AP2B1: variants seen among roughly 807,000 people sequenced by gnomAD.
AP2B1 encodes the protein AP-2 complex subunit beta.
AP2B1 carries 23 observed loss-of-function variants against 102.0 expected under a neutral mutation model. The ratio of observed to expected loss-of-function variants is 0.23; its 90% CI spans 0.16 to 0.32. AP2B1 has a LOEUF of 0.32. Ranked by LOEUF, AP2B1 falls within the 10% of genes least tolerant of loss-of-function variation. The pLI is 1.00. For synonymous variants in AP2B1, 381 were observed against 421.2 expected (o/e 0.90, Z 1.17); for missense variants, 541 against 1,157.4 (o/e 0.47, Z 7.73).
chr17:35,698,440 G>GC (rs1258600915), intron 18 of AP2B1, among the ~76,000 whole-genome samples: 3 of 152,128 alleles, frequency 2.0e-5, no homozygotes, highest in Non-Finnish European at 4.4e-5. Context: ...CTGACCAGTA[G>GC]TTGGGACTGT....
chr17:35,639,515 G>T, intron 10 of AP2B1, 80 bp from the exon 11 acceptor site: 2 of 1,329,964 alleles, frequency 1.5e-6, no homozygotes, highest in Admixed American at 2.3e-5. Flanking sequence ...TCCCTTGTTT[G>T]TGGTTTTGCC....
chr17:35,634,291 T>A (rs2142661673), intron 9 of AP2B1, among the ~76,000 whole-genome samples: 1 of 152,308 alleles, frequency 6.6e-6, no homozygotes, highest in East Asian at 1.9e-4. Flanking sequence ...GTGATGCAGT[T>A]TTATCTATTC....
chr17:35,695,765 T>G (rs1275693787), intron 18 of AP2B1, among the ~76,000 whole-genome samples: 1 of 152,326 alleles, frequency 6.6e-6, no homozygotes, highest in East Asian at 1.9e-4. Context: ...GCCTGAGAGA[T>G]AAGCCGAAAG....
intron 15 of AP2B1, 93 bp downstream of exon 15, chr17:35,670,991 G>A (rs1178471838): frequency 8.4e-6 from 11 of 1,309,064 alleles, no homozygotes; most frequent in Non-Finnish European, 1.1e-5. Context: ...CACTGCTGCT[G>A]TCTAGCACTG....
chr17:35,605,720 C>G lies in AP2B1; in HGVS notation c.159C>G (p.Asp53Glu). 6.2e-7 allele frequency: 1 copy of G among 1,610,644 alleles called. No homozygotes were observed. The highest frequency in any genetic ancestry group is 8.5e-7 in the Non-Finnish European group (1 of 1,178,394). ...VGKDVSSLFPDVVNCMQTDNL... is the reference protein window; with the variant it reads ...VGKDVSSLFPEVVNCMQTDNL... The stretch of plus-strand genomic sequence containing the variant: ...CTCTTCTCAGTTCTCTCTTTCCAGA[C>G]GTAGTGAACTGTATGCAGACTGACA... The change falls in exon 4 of 22, where the codon GAC becomes GAG. Residue 53 changes from aspartate (D) to glutamate (E), a missense_variant. Asp to Glu is a conservative substitution (Grantham distance 45, BLOSUM62 2). Around this residue, in one of 10 missense-constraint regions of AP2B1, gnomAD observed 18 missense variants for 23.8 expected, o/e 0.76. Coordinates refer to ENST00000610402, the MANE Select transcript of AP2B1 (RefSeq NM_001030006.2).
chr17:35,650,973 C>G, intron 13 of AP2B1, 184 bp downstream of exon 13: 1 of 610,020 alleles, frequency 1.6e-6, no homozygotes, highest in South Asian at 2.2e-5. Flanking sequence ...CCAGGGAGCT[C>G]CATCTGAATA....
intron 4 of AP2B1, among the ~76,000 whole-genome samples, chr17:35,606,252 T>C (rs980675834): frequency 6.6e-6 from 1 of 152,116 alleles, no homozygotes; most frequent in South Asian, 2.1e-4. Context: ...ATTTTTTTTT[T>C]TTTTTGATAC....
At chr17:35,592,687 C>G (rs1249999158) in intron 1 of AP2B1, among the ~76,000 whole-genome samples, 1 of 152,088 alleles carries the variant, frequency 6.6e-6, no homozygotes, top group Non-Finnish European at 1.5e-5. Flanking sequence ...GGATTAAAGG[C>G]ACGTGCCACC....
chr17:35,640,362 G>A (rs2074743929), intron 11 of AP2B1, among the ~76,000 whole-genome samples: 1 of 150,304 alleles, frequency 6.7e-6, no homozygotes, highest in Admixed American at 6.7e-5. Context: ...TCAGCCTCTC[G>A]AGTAGCTGGG....
intron 18 of AP2B1, among the ~76,000 whole-genome samples, chr17:35,707,406 C>T (rs1164564167): frequency 6.6e-6 from 1 of 151,032 alleles, no homozygotes; most frequent in Non-Finnish European, 1.5e-5. Flanking sequence ...CTGCCTTGGC[C>T]TCCCAAAGTG....
chr17:35,605,490 T>A (rs988375502), intron 3 of AP2B1, among the ~76,000 whole-genome samples: 6 of 152,232 alleles, frequency 3.9e-5, no homozygotes, highest in African/African-American at 1.4e-4. Context: ...CCTCAGGTGA[T>A]CCGCCTGCCT....
intron 6 of AP2B1, among the ~76,000 whole-genome samples, 177 bp from the exon 7 acceptor site, chr17:35,626,444 G>A (rs1358582652): frequency 1.3e-5 from 2 of 152,076 alleles, no homozygotes; most frequent in Non-Finnish European, 2.9e-5. Context: ...AGTTTGCTGA[G>A]AATGAGGCTT....
chr17:35,711,654 A>G (rs2076453825), intron 20 of AP2B1, among the ~76,000 whole-genome samples: 1 of 152,104 alleles, frequency 6.6e-6, no homozygotes, highest in Non-Finnish European at 1.5e-5. Context: ...TATTTTTTTA[A>G]TAGAGACGGG....
At chr17:35,632,228 G>A (rs11868206) in intron 9 of AP2B1, among the ~76,000 whole-genome samples, 34,930 of 151,742 alleles carry the variant, frequency 0.23, 4,293 homozygotes, top group East Asian at 0.34. Context: ...TCTGCCTCCT[G>A]GGTTCAAGTG....
chr17:35,710,158 A>G, intron 19 of AP2B1, 76 bp from the exon 20 acceptor site: 1 of 1,055,856 alleles, frequency 9.5e-7, no homozygotes, highest in Admixed American at 1.8e-5. Flanking sequence ...CCAAAGGAAA[A>G]ATGATGCAAG....
intron 5 of AP2B1, among the ~76,000 whole-genome samples, chr17:35,609,335 C>T (rs1329444973): frequency 7.0e-6 from 1 of 143,220 alleles, no homozygotes; most frequent in Admixed American, 7.4e-5. Flanking sequence ...GCACATGCCA[C>T]CACATCCCGC....
At position 35,723,797 on chromosome 17, in the gene AP2B1, C is replaced by CT; in HGVS notation, c.*99dup. The CT allele has an allele frequency of 1.2e-6, 1 of 862,834 alleles. No homozygotes were observed. The highest frequency in any genetic ancestry group is 1.4e-5 in the South Asian group (1 of 69,396). The allele number at this position is 862,834 out of a possible 1,614,324, so 53.4% of individuals were successfully genotyped here. On this transcript the variant is annotated 3_prime_UTR_variant, in exon 22 of 22. Coordinates refer to ENST00000610402, the MANE Select transcript of AP2B1 (RefSeq NM_001030006.2). ...TATTGCTGCGTAGAATCTGAACACA[C>CT]TGAGGCCACCTAGCAAGGTAGTAAC...
chr17:35,693,443 G>A (rs2076079335), intron 18 of AP2B1, among the ~76,000 whole-genome samples: 1 of 152,008 alleles, frequency 6.6e-6, no homozygotes, highest in East Asian at 1.9e-4. Flanking sequence ...TCAATCAGGT[G>A]GGCCTGTAAT....
At chr17:35,675,654 G>A (rs556318189) in intron 17 of AP2B1, among the ~76,000 whole-genome samples, 55 of 150,908 alleles carry the variant, frequency 3.6e-4, no homozygotes, top group Non-Finnish European at 6.6e-4. Context: ...TTTGTGGGGG[G>A]ATGGAGTCTT....
Sources: gnomAD v4.1 joint callset for allele counts (sites outside exome capture counted in the v4.1 genomes callset) on GRCh38, gnomAD v4.1.1 for gene constraint, gnomAD v4.1.1 regional missense constraint, MANE v1.5 for transcripts, NCBI Gene and HGNC (gene_info 2026-07-23, HGNC 2026-07-21) for gene names.